The following FHAD1 variants were observed in gnomAD, a reference collection of about 807,000 sequenced individuals.
The protein encoded by FHAD1 is forkhead associated phosphopeptide binding domain 1.
Under a neutral mutation model 191.3 loss-of-function variants are expected in FHAD1, and 146 were observed. The ratio of observed to expected loss-of-function variants is 0.76; its 90% CI spans 0.67 to 0.88. FHAD1 has a LOEUF of 0.88. Among genes scored for constraint, FHAD1 ranks in the 40% least tolerant of loss-of-function variants. FHAD1 has a pLI of 0.00. For missense variants in FHAD1, 1,635 were observed against 1,785.8 expected (o/e 0.92, Z 1.52); for synonymous variants, 616 against 672.3 (o/e 0.92, Z 1.29).
At chr1:15,271,948 TAAAATAAAAAATA>T (rs1357623390) in intron 2 of FHAD1, among the ~76,000 whole-genome samples, 1 of 151,892 alleles carries the variant, frequency 6.6e-6, no homozygotes, top group Non-Finnish European at 1.5e-5. Flanking sequence ...TCGGTTTTGG[TAAAATAAAAAATA>T]AAAATAAAAA....
At position 15,374,597 on chromosome 1, in the gene FHAD1, G is replaced by A. The variant is rs374644615; in HGVS notation, c.3543G>A (p.Ala1181=). 289 of 1,551,654 alleles carry A rather than the reference G, an allele frequency of 1.9e-4. 1 individual carries two copies. The African/African-American group carries it at 2.6e-3, about 14-fold the overall frequency. ...AAAAGGCCTTATCTGAACTTCGAGC[G>A]CGAATTAAAGAACTCGAGAAGGCGC... ...RQKKALSELR[A]RIKELEKARS... is the part of the protein sequence containing the mutation. The change falls in exon 27 of 34, where the codon GCG becomes GCA. Residue 1181 remains alanine, a synonymous_variant. Coordinates refer to ENST00000688493, the MANE Select transcript of FHAD1 (RefSeq NM_001391957.1).
chr1:15,357,935 C>T (rs902000370), intron 20 of FHAD1, 175 bp from the exon 21 acceptor site: 4 of 543,020 alleles, frequency 7.4e-6, no homozygotes, highest in African/African-American at 4.0e-5. Flanking sequence ...AATATAAAGA[C>T]GAGTTCTATA....
chr1:15,328,913 T>A (rs1347985743), intron 13 of FHAD1: 2 of 162,358 alleles, frequency 1.2e-5, no homozygotes, highest in Non-Finnish European at 2.7e-5. Context: ...TTCTGCTTTC[T>A]CTGGAAATCA....
At chr1:15,324,186 A>G (rs1367752996) in intron 10 of FHAD1, among the ~76,000 whole-genome samples, 2 of 152,200 alleles carry the variant, frequency 1.3e-5, no homozygotes, top group Non-Finnish European at 2.9e-5. Flanking sequence ...CTGAGGTCAT[A>G]CAGCTTGCTA....
At chr1:15,320,314 G>C (rs546454341) in intron 10 of FHAD1, among the ~76,000 whole-genome samples, 1 of 152,112 alleles carries the variant, frequency 6.6e-6, no homozygotes, top group Non-Finnish European at 1.5e-5. Context: ...AGAAGAATAC[G>C]CATCCTGCAG....
intron 21 of FHAD1, among the ~76,000 whole-genome samples, chr1:15,360,067 A>C (rs1322178878): frequency 2.0e-5 from 3 of 152,166 alleles, no homozygotes; most frequent in East Asian, 1.9e-4. Flanking sequence ...GAGCCAAGAT[A>C]GTGCCACTGC....
chr1:15,354,485 C>A (rs1692033443), intron 20 of FHAD1, among the ~76,000 whole-genome samples: 1 of 152,112 alleles, frequency 6.6e-6, no homozygotes, highest in African/African-American at 2.4e-5. Flanking sequence ...CACAGAGGAC[C>A]CCTGCAGGGA....
chr1:15,243,262 T>G (rs1645605819), upstream of FHAD1, among the ~76,000 whole-genome samples: 1 of 152,188 alleles, frequency 6.6e-6, no homozygotes. Flanking sequence ...TGAGTCTCTG[T>G]GTGTAGGTCT....
At chr1:15,331,412 G>T (rs1681349809) in intron 14 of FHAD1, among the ~76,000 whole-genome samples, 1 of 150,748 alleles carries the variant, frequency 6.6e-6, no homozygotes. Flanking sequence ...GCATTGGTGG[G>T]TGGGTGGATG....
At chr1:15,252,958 T>A (rs920577335) in intron 2 of FHAD1, among the ~76,000 whole-genome samples, 2 of 152,220 alleles carry the variant, frequency 1.3e-5, no homozygotes, top group African/African-American at 4.8e-5. Context: ...TCTTTATAAC[T>A]GTGAGAAGCA....
At chr1:15,322,897 A>G (rs1676795170) in intron 10 of FHAD1, among the ~76,000 whole-genome samples, 1 of 152,234 alleles carries the variant, frequency 6.6e-6, no homozygotes, top group South Asian at 2.1e-4. Context: ...AAGAGGTTTA[A>G]TTGGACTTAC....
At chr1:15,395,707 T>C (rs1705714682) in intron 33 of FHAD1, among the ~76,000 whole-genome samples, 1 of 152,212 alleles carries the variant, frequency 6.6e-6, no homozygotes, top group Admixed American at 6.5e-5. Flanking sequence ...TTTCTCCTTC[T>C]AAGCCAAGCT....
chr1:15,293,406 T>C (rs1665587831), intron 4 of FHAD1, among the ~76,000 whole-genome samples: 1 of 152,180 alleles, frequency 6.6e-6, no homozygotes, highest in African/African-American at 2.4e-5. Context: ...GATTCATCCA[T>C]TTTGCTGTAT....
chr1:15,253,875 C>T (rs115092019), intron 2 of FHAD1, among the ~76,000 whole-genome samples: 2,277 of 152,224 alleles, frequency 0.015, 46 homozygotes, highest in African/African-American at 0.051. Flanking sequence ...TTATATTTGC[C>T]TTGTTCCTGG....
intron 18 of FHAD1, among the ~76,000 whole-genome samples, chr1:15,347,175 A>T (rs1689203228): frequency 1.3e-5 from 2 of 152,176 alleles, no homozygotes; most frequent in Non-Finnish European, 2.9e-5. Flanking sequence ...TTTGCCCCCA[A>T]GTGATTTCTC....
At chr1:15,384,849 C>A (rs903740178) in intron 31 of FHAD1, among the ~76,000 whole-genome samples, 6 of 152,208 alleles carry the variant, frequency 3.9e-5, no homozygotes, top group African/African-American at 1.4e-4. Flanking sequence ...CATCAGCCTG[C>A]GAGGAGGGCT....
intron 15 of FHAD1, among the ~76,000 whole-genome samples, chr1:15,340,282 G>T (rs1289701794): frequency 6.6e-6 from 1 of 152,240 alleles, no homozygotes; most frequent in African/African-American, 2.4e-5. Context: ...TGCCATAATA[G>T]TATTATATAA....
At chr1:15,383,230 G>C (rs976369306) in intron 31 of FHAD1, 2 of 470,678 alleles carry the variant, frequency 4.2e-6, no homozygotes, top group African/African-American at 4.0e-5. Context: ...CTCGCTATCT[G>C]CTGTCCACTC....
At chr1:15,328,185 T>C in intron 12 of FHAD1, 92 bp from the exon 13 acceptor site, 2 of 1,051,806 alleles carry the variant, frequency 1.9e-6, no homozygotes, top group Non-Finnish European at 2.6e-6. Flanking sequence ...TTAAGTTGCA[T>C]CTCTCCCCTC....
Sources: gnomAD v4.1 joint callset for allele counts (sites outside exome capture counted in the v4.1 genomes callset) on GRCh38, gnomAD v4.1.1 for gene constraint, MANE v1.5 for transcripts, NCBI Gene and HGNC (gene_info 2026-07-23, HGNC 2026-07-21) for gene names.